SEMA3C: variants seen among roughly 807,000 people sequenced by gnomAD.
The protein encoded by SEMA3C is semaphorin-3C.
In SEMA3C, 47 loss-of-function variants were observed where a neutral mutation model predicts 89.4. The ratio of observed to expected loss-of-function variants is 0.53; its 90% CI spans 0.42 to 0.67. The LOEUF (loss-of-function observed/expected upper bound fraction) is 0.67. Ranked by LOEUF, SEMA3C falls within the 30% of genes least tolerant of loss-of-function variation. The pLI is 0.00. For missense variants in SEMA3C, 839 were observed against 929.1 expected, an observed-to-expected ratio of 0.90 and a Z score of 1.26; for synonymous variants, 310 against 320.2, an observed-to-expected ratio of 0.97 and a Z score of 0.34.
At chr7:80,904,606 G>A (rs1396913716) in intron 2 of SEMA3C, among the ~76,000 whole-genome samples, 3 of 152,106 alleles carry the variant, frequency 2.0e-5, no homozygotes, top group South Asian at 2.1e-4. Flanking sequence ...TTTTAGTAAC[G>A]ATTGCAGCCT....
At chr7:80,810,432 A>G (rs1583899320) in intron 6 of SEMA3C, among the ~76,000 whole-genome samples, 179 bp downstream of exon 6, 1 of 152,198 alleles carries the variant, frequency 6.6e-6, no homozygotes, top group East Asian at 1.9e-4. Flanking sequence ...CTTATTATTT[A>G]ATCATAAATA....
Position 80,832,038 on chromosome 7 carries a change from G to A in SEMA3C, c.104-3293C>T, listed in dbSNP as rs144509399. ...ATTAGAAGTAGCAAATCTTCAGGTA[G>A]AGATGTTCAGTTATTTTCATGGATG... On this transcript the variant is annotated intron_variant, in intron 2 of 17. Transcript: ENST00000265361. Among the ~76,000 whole-genome samples the A allele has an allele frequency of 6.3e-3, 958 of 152,292 alleles. 3 individuals are homozygous for A. The highest frequency in any genetic ancestry group is 9.1e-3 in the Non-Finnish European group (619 of 68,020).
At chr7:80,893,328 G>A (rs964067985) in intron 2 of SEMA3C, among the ~76,000 whole-genome samples, 5 of 152,028 alleles carry the variant, frequency 3.3e-5, no homozygotes, top group African/African-American at 4.8e-5. Context: ...TCTTAGACTC[G>A]AGGCAGAACA....
intron 12 of SEMA3C, among the ~76,000 whole-genome samples, chr7:80,773,993 C>T (rs1403802104): frequency 2.6e-5 from 4 of 152,158 alleles, no homozygotes; most frequent in South Asian, 2.1e-4. Context: ...CCAGCTGACA[C>T]AAGAAAGGCT....
intron 2 of SEMA3C, among the ~76,000 whole-genome samples, chr7:80,863,705 GATAT>G (rs1167475009): frequency 6.8e-6 from 1 of 146,020 alleles, no homozygotes; most frequent in African/African-American, 2.5e-5. Flanking sequence ...ATATATATGT[GATAT>G]ATATATCACA....
At chr7:80,839,714 A>G (rs1370208466) in intron 2 of SEMA3C, among the ~76,000 whole-genome samples, 1 of 152,086 alleles carries the variant, frequency 6.6e-6, no homozygotes, top group Non-Finnish European at 1.5e-5. Context: ...ATATAAAGAC[A>G]GTCAATATTT....
chr7:80,763,327 A>G (rs904220584), intron 13 of SEMA3C, among the ~76,000 whole-genome samples: 5 of 152,268 alleles, frequency 3.3e-5, no homozygotes, highest in Admixed American at 6.5e-5. Flanking sequence ...TACACACCCA[A>G]TTATTTTTAC....
chr7:80,754,947 G>GTTTTTTTTTGT lies in SEMA3C; in HGVS notation c.1643+3373_1643+3383dup, dbSNP rs1173212982. The stretch of plus-strand genomic sequence containing the variant: ...TGCCTGCCACCATGCCTGGCGAATT[G>GTTTTTTTTTGT]TTTTTTTTTGTTTTTTTTTTTTTTG... On this transcript the variant is annotated intron_variant, in intron 15 of 17. Coordinates refer to ENST00000265361, the MANE Select transcript of SEMA3C (RefSeq NM_006379.5). Among the ~76,000 whole-genome samples, 23 of 13,130 alleles carry GTTTTTTTTTGT rather than the reference G, an allele frequency of 1.8e-3. 1 individual carries two copies. The East Asian group carries it at 0.024, about 14-fold the overall frequency. 8.6% of individuals were successfully genotyped at this position (13,130 alleles called of 152,430 possible).
chr7:80,818,209 T>C (rs569355795), intron 5 of SEMA3C, 90 bp downstream of exon 5: 2 of 1,224,426 alleles, frequency 1.6e-6, no homozygotes, highest in East Asian at 2.4e-5. Context: ...TTTATGAATA[T>C]TGATATGTCC....
chr7:80,761,770 C>A (rs1389606910), intron 13 of SEMA3C, 113 bp from the exon 14 acceptor site: 8 of 580,346 alleles, frequency 1.4e-5, no homozygotes, highest in Non-Finnish European at 2.4e-5. Context: ...TTTATATATA[C>A]ATCTACTTTA....
At chr7:80,900,373 A>T (rs910458537) in intron 2 of SEMA3C, among the ~76,000 whole-genome samples, 1 of 152,328 alleles carries the variant, frequency 6.6e-6, no homozygotes, top group East Asian at 1.9e-4. Context: ...TTGGTCTCCC[A>T]AAGTGCTGGG....
chr7:80,814,911 TCTC>T (rs1433030412), intron 5 of SEMA3C, among the ~76,000 whole-genome samples: 8 of 152,212 alleles, frequency 5.3e-5, no homozygotes, highest in African/African-American at 1.9e-4. Flanking sequence ...CTCAAACTAA[TCTC>T]CTACAACTTT....
chr7:80,755,491 A>G (rs919338282), intron 15 of SEMA3C, among the ~76,000 whole-genome samples: 7 of 151,348 alleles, frequency 4.6e-5, no homozygotes, highest in African/African-American at 9.7e-5. Context: ...AGGAGTACTG[A>G]TGTCCAGTTT....
At chr7:80,851,436 G>A (rs572120256) in intron 2 of SEMA3C, among the ~76,000 whole-genome samples, 13 of 149,682 alleles carry the variant, frequency 8.7e-5, no homozygotes, top group East Asian at 3.9e-4. Context: ...CCTGGGAAGC[G>A]GAGGTTGCAG....
At chr7:80,916,958 G>C in intron 1 of SEMA3C, 139 bp from the exon 2 acceptor site, 1 of 593,098 alleles carries the variant, frequency 1.7e-6, no homozygotes, top group South Asian at 2.5e-5. Flanking sequence ...AGGAGGTGCT[G>C]TGTCTTTGCT....
chr7:80,873,141 G>A (rs913583201), intron 2 of SEMA3C, among the ~76,000 whole-genome samples: 5 of 152,042 alleles, frequency 3.3e-5, no homozygotes, highest in Admixed American at 3.3e-4. Flanking sequence ...ACAACTCTAG[G>A]CATAAAAAGC....
chr7:80,813,789 T>C (rs946451808), intron 5 of SEMA3C, among the ~76,000 whole-genome samples: 5 of 152,194 alleles, frequency 3.3e-5, no homozygotes, highest in Admixed American at 2.0e-4. Context: ...ACCACACTTC[T>C]CAGGGAATTA....
intron 2 of SEMA3C, among the ~76,000 whole-genome samples, chr7:80,850,805 G>A (rs959723379): frequency 2.0e-5 from 3 of 152,180 alleles, no homozygotes; most frequent in African/African-American, 7.2e-5. Flanking sequence ...ATCGATGCAT[G>A]CATAATCTCT....
In SEMA3C at chr7:80,860,298, C is replaced by G. The variant is rs566694017; in HGVS notation, c.104-31553G>C. Among the ~76,000 whole-genome samples the G allele has an allele frequency of 3.9e-5, 6 of 152,060 alleles. No individual in the cohort carries two copies. The East Asian group carries it at 7.7e-4, about 20-fold the overall frequency. On this transcript the variant is annotated intron_variant, in intron 2 of 17. Coordinates refer to ENST00000265361, the MANE Select transcript of SEMA3C (RefSeq NM_006379.5). ...TTTTTAATAAAAGATTATAAACCTT[C>G]TCCTAATGGCCAACTATTTTTGAAT... is the stretch of plus-strand genomic sequence containing the variant.
Sources: gnomAD v4.1 joint callset for allele counts (sites outside exome capture counted in the v4.1 genomes callset) on GRCh38, gnomAD v4.1.1 for gene constraint, MANE v1.5 for transcripts, NCBI Gene and HGNC (gene_info 2026-07-23, HGNC 2026-07-21) for gene names.